The following PHF13 variants were observed in gnomAD, a reference collection of about 807,000 sequenced individuals.
PHF13 encodes PHD finger protein 13.
PHF13 carries 1 observed loss-of-function variant against 25.8 expected under a neutral mutation model. The ratio of observed to expected loss-of-function variants is 0.04; its 90% confidence interval spans 0.01 to 0.18. PHF13 has a LOEUF of 0.18. Ranked by LOEUF, PHF13 falls within the 10% of genes least tolerant of loss-of-function variation. The pLI, the probability that PHF13 is intolerant of heterozygous loss-of-function variation, is 1.00. For synonymous variants in PHF13, 195 were observed against 162.4 expected, an observed-to-expected ratio of 1.20 and a Z score of -1.53; for missense variants, 306 against 403.2, an observed-to-expected ratio of 0.76 and a Z score of 2.06.
Position 6,617,652 on chromosome 1 carries a change from C to T in PHF13, c.141+794C>T, listed in dbSNP as rs564958741. Among the ~76,000 whole-genome samples the T allele has an allele frequency of 1.2e-4, 18 of 152,124 alleles. No homozygotes were observed. In the East Asian group the frequency reaches 3.5e-3, roughly 29 times the overall value. On this transcript the variant is annotated intron_variant, in intron 2 of 3. Transcript: ENST00000377648. ...CCGTGTTGTCGAGGCTGGTCTCGAACTCCTGACCTCATGATCCACCCGCCT... is the reference window on the plus strand; with the variant it reads ...CCGTGTTGTCGAGGCTGGTCTCGAATTCCTGACCTCATGATCCACCCGCCT...
rs141391257 is a variant in PHF13, at chr1:6,619,808, C to G, written c.147C>G (p.Leu49=). The G allele has an allele frequency of 3.8e-5, 60 of 1,596,074 alleles. No homozygotes were observed. Among genetic ancestry groups the G allele is most frequent in the Middle Eastern group, 4.2e-4 (2 of 4,748 alleles). ...AGYIPYPKEE[L]PLRSSPSPAN... The stretch of plus-strand genomic sequence containing the variant: ...TGCCACCTTTGTCTTTTTAGGAACT[C>G]CCTTTAAGGAGCAGCCCCAGCCCTG... The change falls in exon 3 of 4, where the codon CTC becomes CTG. Residue 49 remains leucine, a synonymous_variant. Coordinates refer to ENST00000377648, the MANE Select transcript of PHF13 (RefSeq NM_153812.3).
At position 6,613,832 on chromosome 1, in the gene PHF13, G is replaced by A. The variant is rs1338476058; in HGVS notation, c.-235G>A. On this transcript the variant is annotated 5_prime_UTR_variant, in exon 1 of 4. Coordinates refer to ENST00000377648, the MANE Select transcript of PHF13 (RefSeq NM_153812.3). The stretch of plus-strand genomic sequence containing the variant: ...CGCCGCCCCCTGCAGCCACTCTCCC[G>A]CCTCTACCGCCGCGGGAGCTGCATC... The A allele has an allele frequency of 4.5e-5, 12 of 269,618 alleles. No homozygotes were observed. The highest frequency in any genetic ancestry group is 3.1e-4 in the South Asian group (7 of 22,888). 16.7% of individuals were successfully genotyped at this position (269,618 alleles called of 1,614,324 possible). A position where few individuals can be genotyped will look rare whatever the true frequency, so the allele number is the denominator to read the frequency against.
chr1:6,619,971 A>C lies in PHF13; in HGVS notation c.310A>C (p.Ser104Arg). 1 of 1,613,930 alleles carries C rather than the reference A, an allele frequency of 6.2e-7. No individual in the cohort carries two copies. Among genetic ancestry groups the C allele is most frequent in the South Asian group, 1.1e-5 (1 of 91,078 alleles). ...QPTLLQRAKPSNFLLDRKKTD... is the reference protein window; with the variant it reads ...QPTLLQRAKPRNFLLDRKKTD... Reference sequence around the variant, plus strand: ...TACTCTCTTGCAGCGAGCCAAGCCCAGTAACTTCCTGCTGGACAGAAAGAA... The same window carrying C: ...TACTCTCTTGCAGCGAGCCAAGCCCCGTAACTTCCTGCTGGACAGAAAGAA... The change falls in exon 3 of 4, where the codon AGT (serine) becomes CGT (arginine). Residue 104 changes from serine to arginine, a missense_variant. Physicochemically the swap from Ser to Arg is moderately radical, Grantham distance 110. Around this residue, in one of 5 missense-constraint regions of PHF13, gnomAD observed 186 missense variants for 164.0 expected, o/e 1.13. Transcript: ENST00000377648.
intron 1 of PHF13, among the ~76,000 whole-genome samples, chr1:6,615,157 G>C (rs1205236503): frequency 6.6e-6 from 1 of 151,616 alleles, no homozygotes; most frequent in Non-Finnish European, 1.5e-5. Flanking sequence ...TGGGCCGTGT[G>C]GGGGCGGCGT....
Position 6,613,984 on chromosome 1 carries a change from C to CCG in PHF13, c.-82_-81insGC. 2 of 1,024,850 alleles carry CCG rather than the reference C, an allele frequency of 2.0e-6. No homozygotes were observed. Among genetic ancestry groups the CCG allele is most frequent in the Admixed American group, 2.3e-5 (1 of 44,290 alleles). The allele number at this position is 1,024,850 out of a possible 1,614,324, so 63.5% of individuals were successfully genotyped here. A position where few individuals can be genotyped will look rare whatever the true frequency, so the allele number is the denominator to read the frequency against. ...GGTCCGCCCTCGCCCTGCGCAGCCG[C>CCG]CCGAGCCCCCAGCCCCGGGCGGCCC... On this transcript the variant is annotated 5_prime_UTR_variant, in exon 1 of 4. Transcript: ENST00000377648.
intron 2 of PHF13, 37 bp downstream of exon 2, chr1:6,616,895 T>C (rs1557445233): frequency 6.3e-7 from 1 of 1,578,714 alleles, no homozygotes; most frequent in Non-Finnish European, 8.7e-7. Flanking sequence ...TCTTGATGAG[T>C]AGTCAAACCC....
At chr1:6,615,117 C>T (rs989273651) in intron 1 of PHF13, among the ~76,000 whole-genome samples, 1 of 150,976 alleles carries the variant, frequency 6.6e-6, no homozygotes, top group Non-Finnish European at 1.5e-5. Context: ...CATCTGCTTT[C>T]CGAGGAGGCG....
chr1:6,614,560 G>C (rs1459511223), intron 1 of PHF13: 1 of 154,966 alleles, frequency 6.5e-6, no homozygotes, highest in African/African-American at 2.5e-5. Context: ...CGAGGCCCCC[G>C]GCTGCTCCCC....
At chr1:6,618,141 CTT>C (rs113955558) in intron 2 of PHF13, among the ~76,000 whole-genome samples, 3 of 144,570 alleles carry the variant, frequency 2.1e-5, no homozygotes, top group Non-Finnish European at 1.5e-5. Context: ...AACAATCCAG[CTT>C]TTTTTTTTTT....
At position 6,618,658 on chromosome 1, in the gene PHF13, T is replaced by C. The variant is rs577267852; in HGVS notation, c.142-1145T>C. On this transcript the variant is annotated intron_variant, in intron 2 of 3. Coordinates refer to ENST00000377648, the MANE Select transcript of PHF13 (RefSeq NM_153812.3). ...CTTTCTTTTCTTTCTTTTTTTCTTT[T>C]TTTGAGACGGAGTCTTGCTCTGTGG... Among the ~76,000 whole-genome samples, 52 of 152,282 alleles carry C rather than the reference T, an allele frequency of 3.4e-4. 1 individual carries two copies. The highest frequency in any genetic ancestry group is 1.2e-3 in the African/African-American group (49 of 41,558).
chr1:6,618,718 A>G (rs1641297793), intron 2 of PHF13, among the ~76,000 whole-genome samples: 1 of 152,012 alleles, frequency 6.6e-6, no homozygotes, highest in Admixed American at 6.6e-5. Flanking sequence ...ATCTCAGCTC[A>G]CTGCAACTTC....
At chr1:6,615,414 G>C (rs1485220269) in intron 1 of PHF13, among the ~76,000 whole-genome samples, 2 of 152,230 alleles carry the variant, frequency 1.3e-5, no homozygotes, top group Non-Finnish European at 2.9e-5. Flanking sequence ...GGGGTCCAAG[G>C]GGGTGGGAGA....
Position 6,619,970 on chromosome 1 carries a change from C to T in PHF13, c.309C>T (p.Pro103=), listed in dbSNP as rs1641313748. 1.2e-6 allele frequency: 2 copies of T among 1,613,860 alleles called. No homozygotes were observed. Among genetic ancestry groups the T allele is most frequent in the Non-Finnish European group, 1.7e-6 (2 of 1,179,986 alleles). The change falls in exon 3 of 4, where the codon CCC becomes CCT. Residue 103 remains proline, a synonymous_variant. Transcript: ENST00000377648. ...CTACTCTCTTGCAGCGAGCCAAGCCCAGTAACTTCCTGCTGGACAGAAAGA... is the reference window on the plus strand; with the variant it reads ...CTACTCTCTTGCAGCGAGCCAAGCCTAGTAACTTCCTGCTGGACAGAAAGA... ...LQPTLLQRAK[P]SNFLLDRKKT...
Position 6,621,300 on chromosome 1 carries a change from G to A in PHF13, c.677-111G>A. The A allele has an allele frequency of 9.0e-7, 1 of 1,112,656 alleles. No homozygotes were observed. The highest frequency in any genetic ancestry group is 1.3e-6 in the Non-Finnish European group (1 of 757,448). The allele number at this position is 1,112,656 out of a possible 1,614,324, so 68.9% of individuals were successfully genotyped here. On this transcript the variant is annotated intron_variant, in intron 3 of 3. Transcript: ENST00000377648. The surrounding 1 kb of genome is among the most constrained non-coding windows in gnomAD (Gnocchi z 4.8). ...CAGAGAGAAGTGTCAGCTTCGAGTG[G>A]CAGTTGGAAGTGTTCTCGTCAGTAG...
In PHF13 at chr1:6,613,992, CCCAGCCCCGGGCGGCCCCGCT is replaced by C; in HGVS notation, c.-69_-49del. 2 of 1,167,718 alleles carry C rather than the reference CCCAGCCCCGGGCGGCCCCGCT, an allele frequency of 1.7e-6. No individual in the cohort carries two copies. The highest frequency in any genetic ancestry group is 2.6e-5 in the South Asian group (2 of 75,508). The allele number at this position is 1,167,718 out of a possible 1,614,324, so 72.3% of individuals were successfully genotyped here. A position where few individuals can be genotyped will look rare whatever the true frequency, so the allele number is the denominator to read the frequency against. Reference sequence around the variant, plus strand: ...CTCGCCCTGCGCAGCCGCCCGAGCCCCCAGCCCCGGGCGGCCCCGCTCCAGCATCCCAGCTCCTGCACTCTC... The same window carrying C: ...CTCGCCCTGCGCAGCCGCCCGAGCCCCCAGCATCCCAGCTCCTGCACTCTC... On this transcript the variant is annotated 5_prime_UTR_variant, in exon 1 of 4. Coordinates refer to ENST00000377648, the MANE Select transcript of PHF13 (RefSeq NM_153812.3).
At position 6,622,101 on chromosome 1, in the gene PHF13, ACAG is replaced by A. The variant is rs1641348008; in HGVS notation, c.*469_*471del. 1.0e-5 allele frequency: 2 copies of A among 197,572 alleles called. No individual in the cohort carries two copies. Among genetic ancestry groups the A allele is most frequent in the Non-Finnish European group, 2.1e-5 (2 of 93,516 alleles). 12.2% of individuals were successfully genotyped at this position (197,572 alleles called of 1,614,324 possible). A position where few individuals can be genotyped will look rare whatever the true frequency, so the allele number is the denominator to read the frequency against. ...TAAGTCTTTTACCAAAAGTGTCTGT[ACAG>A]CAGCCATCCAAGTTGCCCCTACTTA... is the stretch of plus-strand genomic sequence containing the variant. On this transcript the variant is annotated 3_prime_UTR_variant, in exon 4 of 4. Transcript: ENST00000377648.
rs976644736 is a variant in PHF13 at position 6,622,499 on chromosome 1, GTC to G, written c.*866_*867del. The G allele has an allele frequency of 6.6e-6, 1 of 152,644 alleles. No homozygotes were observed. 9.5% of individuals were successfully genotyped at this position (152,644 alleles called of 1,614,324 possible). ...GTGGGAACTCATAGGTTCTGTCTTT[GTC>G]TCTTCCTTTCACCTCATTCTGGTAG... On this transcript the variant is annotated 3_prime_UTR_variant, in exon 4 of 4. Transcript: ENST00000377648.
chr1:6,615,037 C>A (rs899004921), intron 1 of PHF13, among the ~76,000 whole-genome samples: 14 of 151,464 alleles, frequency 9.2e-5, no homozygotes, highest in African/African-American at 3.1e-4. Flanking sequence ...GCGGGATGGG[C>A]CCCGCACCTT....
intron 1 of PHF13, chr1:6,614,381 C>T (rs1641221070): frequency 8.9e-6 from 4 of 448,456 alleles, no homozygotes; most frequent in Non-Finnish European, 1.6e-5. Flanking sequence ...CCCCGGGCCG[C>T]CCCTCTCCGG....
Sources: gnomAD v4.1 joint callset for allele counts (sites outside exome capture counted in the v4.1 genomes callset) on GRCh38, gnomAD v4.1.1 for gene constraint, gnomAD v4.1.1 regional missense constraint, Gnocchi (gnomAD v3.1) non-coding constraint, MANE v1.5 for transcripts, NCBI Gene and HGNC (gene_info 2026-07-23, HGNC 2026-07-21) for gene names.